The following PCNX1 variants were observed in gnomAD, a reference collection of about 807,000 sequenced individuals.
PCNX1 encodes the protein pecanex 1.
A neutral mutation model predicts 242.2 loss-of-function variants in PCNX1; 78 were observed. The ratio of observed to expected loss-of-function variants is 0.32; its 90% CI spans 0.27 to 0.39. The LOEUF is 0.39. Ranked by LOEUF, PCNX1 falls within the 10% of genes least tolerant of loss-of-function variation. The pLI, the probability that PCNX1 is intolerant of heterozygous loss-of-function variation, is 1.00. For synonymous variants in PCNX1, 1,024 were observed against 1,032.9 expected, an observed-to-expected ratio of 0.99 and a Z score of 0.17; for missense variants, 2,581 against 2,856.5, an observed-to-expected ratio of 0.90 and a Z score of 2.20.
chr14:70,995,352 A>G lies in PCNX1; in HGVS notation c.2445-389A>G, dbSNP rs547936359. On this transcript the variant is annotated intron_variant, in intron 7 of 35. Coordinates refer to ENST00000304743, the MANE Select transcript of PCNX1 (RefSeq NM_014982.3). ...TAGAGTTATTACAAGGCTATAAATG[A>G]AAGTGCATATTTAACTGAAACATAG... 3.3e-5 allele frequency among the ~76,000 whole-genome samples: 5 copies of G among 152,368 alleles called. No homozygotes were observed. In the South Asian group the frequency reaches 1.0e-3, roughly 32 times the overall value.
chr14:71,062,936 T>C (rs1318579632), intron 26 of PCNX1, among the ~76,000 whole-genome samples: 1 of 152,220 alleles, frequency 6.6e-6, no homozygotes, highest in Non-Finnish European at 1.5e-5. Flanking sequence ...GTATTACCGT[T>C]AGTGACATTA....
At chr14:70,995,379 G>T (rs560210600) in intron 7 of PCNX1, among the ~76,000 whole-genome samples, 2 of 152,278 alleles carry the variant, frequency 1.3e-5, no homozygotes, top group East Asian at 1.9e-4. Flanking sequence ...GAAACATAGG[G>T]CTTATCTGTT....
intron 1 of PCNX1, among the ~76,000 whole-genome samples, chr14:70,935,042 C>T (rs1340455534): frequency 1.3e-5 from 2 of 152,188 alleles, no homozygotes; most frequent in East Asian, 1.9e-4. Flanking sequence ...TAAACTGTTA[C>T]AGCACAGCTG....
chr14:70,934,058 A>G (rs1430503541), intron 1 of PCNX1, among the ~76,000 whole-genome samples: 1 of 152,224 alleles, frequency 6.6e-6, no homozygotes, highest in East Asian at 1.9e-4. Context: ...AAAAGATTGC[A>G]TTTTTACCTT....
intron 28 of PCNX1, among the ~76,000 whole-genome samples, chr14:71,080,088 A>G (rs1210709717): frequency 2.0e-5 from 3 of 152,198 alleles, no homozygotes; most frequent in Admixed American, 1.3e-4. Flanking sequence ...TTTTCTGCAT[A>G]TGGGTAGCCA....
chr14:70,942,950 A>T (rs2057313733), intron 1 of PCNX1: 1 of 152,336 alleles, frequency 6.6e-6, no homozygotes, highest in African/African-American at 2.4e-5. Context: ...ACCAGATCTG[A>T]TGGTTTTATA....
Position 71,109,513 on chromosome 14 carries a change from G to C in PCNX1, c.6806G>C (p.Trp2269Ser). 6.2e-7 allele frequency: 1 copy of C among 1,613,734 alleles called. No individual in the cohort carries two copies. Among genetic ancestry groups the C allele is most frequent in the Non-Finnish European group, 8.5e-7 (1 of 1,179,678 alleles). The part of the protein sequence containing the change: ...INLSKRKELQ[W>S]PDEGIRLKAG... Reference sequence around the variant, plus strand: ...CTGTCTAAAAGGAAAGAGCTACAGTGGCCTGATGAAGGAATCCGGTTAAAA... The same window carrying C: ...CTGTCTAAAAGGAAAGAGCTACAGTCGCCTGATGAAGGAATCCGGTTAAAA... The change falls in exon 35 of 36, where the codon TGG (tryptophan) becomes TCG (serine). Residue 2269 changes from tryptophan to serine, a missense_variant. By Grantham distance (177) the Trp-to-Ser change is radical (BLOSUM62 -3). This residue lies in a region of PCNX1 where 432 missense variants were observed against 433.6 expected (regional missense o/e 1.00). Transcript: ENST00000304743.
Position 70,975,711 on chromosome 14 carries a change from A to G in PCNX1, c.605-1231A>G, listed in dbSNP as rs148770814. ...CAAAACATATATTTAAAAATCAGCT[A>G]TTTTGCAGTTTGGTTGTCAAGCTAT... is the stretch of plus-strand genomic sequence containing the variant. On this transcript the variant is annotated intron_variant, in intron 5 of 35. Transcript: ENST00000304743. Among the ~76,000 whole-genome samples the G allele has an allele frequency of 8.9e-3, 1,355 of 152,074 alleles. 9 individuals are homozygous for G. Among genetic ancestry groups the G allele is most frequent in the South Asian group, 0.017 (80 of 4,818 alleles).
intron 11 of PCNX1, 72 bp from the exon 12 acceptor site, chr14:71,018,937 C>T (rs900655866): frequency 6.3e-6 from 8 of 1,274,686 alleles, no homozygotes; most frequent in Non-Finnish European, 8.8e-6. Flanking sequence ...TTATGTCTTC[C>T]CTTCCCTTTT....
chr14:70,987,307 G>A (rs1240244815), intron 6 of PCNX1, among the ~76,000 whole-genome samples: 2 of 152,194 alleles, frequency 1.3e-5, no homozygotes, highest in Non-Finnish European at 2.9e-5. Context: ...CTAGCTACAT[G>A]TAGCAACGGA....
At chr14:71,055,212 T>TGG (rs2061148818) in intron 24 of PCNX1, among the ~76,000 whole-genome samples, 1 of 152,192 alleles carries the variant, frequency 6.6e-6, no homozygotes. Context: ...ATACATTTTT[T>TGG]TCATCCTGGT....
intron 8 of PCNX1, among the ~76,000 whole-genome samples, chr14:71,001,157 C>CATTT (rs1555358822): frequency 1.0e-5 from 1 of 97,946 alleles, no homozygotes; most frequent in Non-Finnish European, 1.9e-5. Flanking sequence ...ATTATTTAAT[C>CATTT]AATTAACCCC....
Position 70,995,892 on chromosome 14 carries a change from G to A in PCNX1, c.2596G>A (p.Ala866Thr). The A allele has an allele frequency of 6.2e-7, 1 of 1,614,114 alleles. No individual in the cohort carries two copies. The highest frequency in any genetic ancestry group is 8.5e-7 in the Non-Finnish European group (1 of 1,179,930). The change falls in exon 8 of 36, where the codon GCT (alanine) becomes ACT (threonine). Residue 866 changes from alanine (A) to threonine (T), a missense_variant. Ala to Thr is a moderately conservative substitution (Grantham distance 58). Around this residue, in one of 9 missense-constraint regions of PCNX1, gnomAD observed 1,204 missense variants for 1,216.7 expected, o/e 0.99. Coordinates refer to ENST00000304743, the MANE Select transcript of PCNX1 (RefSeq NM_014982.3). The stretch of plus-strand genomic sequence containing the variant: ...AGAAGCATCACATGACAATGCATCT[G>A]CTGTAGGCGGTAGCAGTTTGCACGA... ...HLEASHDNAS[A>T]VGGSSLHDEL... is the part of the protein sequence containing the mutation.
At chr14:71,036,036 T>C in intron 18 of PCNX1, 29 bp from the exon 19 acceptor site, 1 of 1,382,238 alleles carries the variant, frequency 7.2e-7, no homozygotes, top group Middle Eastern at 1.8e-4. Flanking sequence ...TTTATGTAAT[T>C]GTTTAATAAT....
intron 11 of PCNX1, among the ~76,000 whole-genome samples, chr14:71,017,244 C>G (rs1251419382): frequency 6.6e-5 from 10 of 152,102 alleles, no homozygotes; most frequent in Non-Finnish European, 7.4e-5. Flanking sequence ...TAGAAACTTT[C>G]CCACAAAGAA....
intron 28 of PCNX1, among the ~76,000 whole-genome samples, chr14:71,087,059 T>C (rs1319557777): frequency 1.3e-5 from 2 of 151,738 alleles, no homozygotes; most frequent in East Asian, 3.9e-4. Flanking sequence ...GGAAGGGAGG[T>C]AGAGAAAAAG....
chr14:71,071,050 A>C (rs927050177), intron 26 of PCNX1, among the ~76,000 whole-genome samples: 1 of 152,230 alleles, frequency 6.6e-6, no homozygotes, highest in African/African-American at 2.4e-5. Flanking sequence ...TTATGTTATG[A>C]AGACAGCTTC....
At chr14:71,081,310 G>A (rs540911031) in intron 28 of PCNX1, among the ~76,000 whole-genome samples, 1 of 152,318 alleles carries the variant, frequency 6.6e-6, no homozygotes, top group East Asian at 1.9e-4. Flanking sequence ...TGTTCATCAT[G>A]TATATTGGCC....
chr14:70,972,662 T>A (rs930461141), intron 5 of PCNX1, among the ~76,000 whole-genome samples: 3 of 152,186 alleles, frequency 2.0e-5, no homozygotes, highest in African/African-American at 7.2e-5. Flanking sequence ...AAGCCTTTAG[T>A]TGGTTAACAG....
Sources: allele counts gnomAD v4.1 joint callset (sites outside exome capture counted in the v4.1 genomes callset), GRCh38; gene constraint gnomAD v4.1.1; regional missense constraint gnomAD v4.1.1; transcripts MANE v1.5; gene names NCBI Gene and HGNC (gene_info 2026-07-23, HGNC 2026-07-21).